DHRSX: variants seen among roughly 807,000 people sequenced by gnomAD.
DHRSX encodes the protein polyprenol dehydrogenase.
In DHRSX, 31 loss-of-function variants were observed where a neutral mutation model predicts 34.0. The ratio of observed to expected loss-of-function variants is 0.91; its 90% CI spans 0.69 to 1.23. DHRSX has a LOEUF of 1.23. Among genes scored for constraint, DHRSX ranks in the 50% most tolerant of loss-of-function variants. The probability of loss-of-function intolerance (pLI) is 0.00; values close to 1 mark genes in which losing one functional copy is unlikely to be tolerated. For synonymous variants in DHRSX, 201 were observed against 183.8 expected, an observed-to-expected ratio of 1.09 and a Z score of -0.76; for missense variants, 414 against 428.1, an observed-to-expected ratio of 0.97 and a Z score of 0.29.
intron 1 of DHRSX, among the ~76,000 whole-genome samples, chrX:2,491,064 TAG>T: frequency 8.5e-6 from 1 of 117,440 alleles, no homozygotes; most frequent in South Asian, 3.4e-4. Flanking sequence ...CAAGTGCCTT[TAG>T]TTTTTTTTTT....
intron 3 of DHRSX, among the ~76,000 whole-genome samples, chrX:2,303,857 ATGGGTG>A (rs2042050973): frequency 1.6e-5 from 2 of 121,620 alleles, no homozygotes; most frequent in South Asian, 3.2e-4. Flanking sequence ...GGATGGGTGG[ATGGGTG>A]GATGGGTGGA....
chrX:2,496,343 C>T (rs1170207035), intron 1 of DHRSX, among the ~76,000 whole-genome samples: 3 of 151,996 alleles, frequency 2.0e-5, no homozygotes, highest in Non-Finnish European at 4.4e-5. Context: ...GGACTACAGG[C>T]GCACACTGCC....
chrX:2,233,175 G>A (rs996806527), intron 6 of DHRSX, among the ~76,000 whole-genome samples: 6 of 151,214 alleles, frequency 4.0e-5, no homozygotes, highest in Non-Finnish European at 8.9e-5. Flanking sequence ...CTGTGGCTTC[G>A]CGGCAGAATT....
rs148679177 is a variant in DHRSX, at chrX:2,489,187, G to A, written c.109+11630C>T. Reference sequence around the variant, plus strand: ...TCTTGTCCTCAGCCGGCCGGTAGCCGCCGTCTTTGACCTTGTCCAGCAGGC... The same window carrying A: ...TCTTGTCCTCAGCCGGCCGGTAGCCACCGTCTTTGACCTTGTCCAGCAGGC... On this transcript the variant is annotated intron_variant, in intron 1 of 6. Transcript: ENST00000334651. 8.7e-5 allele frequency: 140 copies of A among 1,613,570 alleles called. No homozygotes were observed. In the African/African-American group the frequency reaches 1.4e-3, roughly 17 times the overall value.
At chrX:2,397,962 ATATGC>A (rs1569497133) in intron 3 of DHRSX, among the ~76,000 whole-genome samples, 36 of 148,214 alleles carry the variant, frequency 2.4e-4, no homozygotes, top group African/African-American at 8.2e-4. Context: ...ACATAGATAC[ATATGC>A]CAACAGGCTG....
intron 5 of DHRSX, among the ~76,000 whole-genome samples, chrX:2,260,284 T>C (rs1453317675): frequency 6.9e-6 from 1 of 145,100 alleles, no homozygotes; most frequent in East Asian, 2.1e-4. Flanking sequence ...AGATGTTTGA[T>C]TGAATGTTAC....
At chrX:2,347,843 C>T (rs1219448783) in intron 3 of DHRSX, among the ~76,000 whole-genome samples, 1 of 152,154 alleles carries the variant, frequency 6.6e-6, no homozygotes, top group Non-Finnish European at 1.5e-5. Context: ...ATACATGGGA[C>T]ATGTAAAATG....
intron 3 of DHRSX, among the ~76,000 whole-genome samples, chrX:2,317,999 C>A (rs1294548103): frequency 1.3e-5 from 2 of 151,996 alleles, no homozygotes; most frequent in Non-Finnish European, 2.9e-5. Flanking sequence ...GTGAGAGCAT[C>A]TCCGCTGGGG....
rs1349988313 is a variant in DHRSX, at chrX:2,485,792, AGGGAG to A, written c.109+15020_109+15024del. On this transcript the variant is annotated intron_variant, in intron 1 of 6. Coordinates refer to ENST00000334651, the MANE Select transcript of DHRSX (RefSeq NM_145177.3). Reference sequence around the variant, plus strand: ...GGAAGGAAGGGAGAAAAGGGAGAGAAGGGAGAGAAGGAAGGAAGGGAGAGAAGGAA... The same window carrying A: ...GGAAGGAAGGGAGAAAAGGGAGAGAAAGAAGGAAGGAAGGGAGAGAAGGAA... 2.4e-4 allele frequency among the ~76,000 whole-genome samples: 8 copies of A among 32,966 alleles called. 1 individual carries two copies. The East Asian group carries it at 9.8e-3, about 40-fold the overall frequency. The allele number at this position is 32,966 out of a possible 152,430, so 21.6% of individuals were successfully genotyped here.
chrX:2,339,573 T>C (rs962354864), intron 3 of DHRSX, among the ~76,000 whole-genome samples: 37 of 152,194 alleles, frequency 2.4e-4, no homozygotes, highest in Non-Finnish European at 1.9e-4. Context: ...CCAAAGTCCA[T>C]TGTATCATTC....
At chrX:2,476,988 G>A (rs1209798214) in intron 1 of DHRSX, among the ~76,000 whole-genome samples, 1 of 152,062 alleles carries the variant, frequency 6.6e-6, no homozygotes, top group East Asian at 1.9e-4. Context: ...GGCAACAGTA[G>A]CAAAACTCCA....
intron 2 of DHRSX, among the ~76,000 whole-genome samples, chrX:2,415,169 T>C (rs1373976873): frequency 3.3e-5 from 5 of 151,962 alleles, no homozygotes; most frequent in African/African-American, 1.2e-4. Context: ...CATCATGACC[T>C]AATCCAACTA....
At chrX:2,285,639 C>A (rs2041795809) in intron 4 of DHRSX, among the ~76,000 whole-genome samples, 1 of 152,114 alleles carries the variant, frequency 6.6e-6, no homozygotes, top group South Asian at 2.1e-4. Context: ...GGGGGTTGGA[C>A]AGCCCTGGTT....
At chrX:2,283,095 T>C (rs2041751051) in intron 4 of DHRSX, among the ~76,000 whole-genome samples, 1 of 150,434 alleles carries the variant, frequency 6.6e-6, no homozygotes, top group African/African-American at 2.5e-5. Flanking sequence ...AGCATTTGAG[T>C]AACTGAAAAA....
intron 1 of DHRSX, among the ~76,000 whole-genome samples, chrX:2,448,879 G>C (rs2044177211): frequency 6.6e-6 from 1 of 152,152 alleles, no homozygotes; most frequent in Non-Finnish European, 1.5e-5. Context: ...AAGGATTCCA[G>C]TTATGTGCTC....
intron 3 of DHRSX, among the ~76,000 whole-genome samples, chrX:2,293,734 T>C (rs1450256204): frequency 6.6e-6 from 1 of 151,944 alleles, no homozygotes; most frequent in Non-Finnish European, 1.5e-5. Flanking sequence ...GGGAGCCTCA[T>C]AGGGGAAAAT....
At chrX:2,393,625 C>CCT (rs2043366634) in intron 3 of DHRSX, among the ~76,000 whole-genome samples, 7 of 144,984 alleles carry the variant, frequency 4.8e-5, no homozygotes, top group Non-Finnish European at 7.5e-5. Flanking sequence ...CTCCCCGTCT[C>CCT]CTGCACACAC....
chrX:2,355,961 G>A (rs957196073), intron 3 of DHRSX, among the ~76,000 whole-genome samples: 1 of 151,776 alleles, frequency 6.6e-6, no homozygotes, highest in Non-Finnish European at 1.5e-5. Flanking sequence ...AGCTACTCGG[G>A]AGGCTAAGGC....
At chrX:2,327,788 AGAG>A (rs2042404754) in intron 3 of DHRSX, among the ~76,000 whole-genome samples, 1 of 152,120 alleles carries the variant, frequency 6.6e-6, no homozygotes, top group Non-Finnish European at 1.5e-5. Context: ...GCTTATAAGA[AGAG>A]GAGATGAGGC....
Sources: gnomAD v4.1 joint callset for allele counts (sites outside exome capture counted in the v4.1 genomes callset) on GRCh38, gnomAD v4.1.1 for gene constraint, MANE v1.5 for transcripts, NCBI Gene and HGNC (gene_info 2026-07-23, HGNC 2026-07-21) for gene names.